Variants in FAM167A observed in about 807,000 individuals in gnomAD.
FAM167A encodes family with sequence similarity 167 member A.
FAM167A carries 23 observed loss-of-function variants against 14.9 expected under a neutral mutation model. The observed-to-expected ratio is 1.55, with a 90% CI of 1.11 to 2.19. The LOEUF (loss-of-function observed/expected upper bound fraction) is 2.19. Ranked by LOEUF, FAM167A falls within the 30% of genes most tolerant of loss-of-function variation. FAM167A has a pLI of 0.00. For missense variants in FAM167A, 401 were observed against 281.5 expected (o/e 1.42, Z -3.04); for synonymous variants, 174 against 117.7 (o/e 1.48, Z -3.10).
At chr8:11,453,700 C>G (rs1429506365) in intron 1 of FAM167A, among the ~76,000 whole-genome samples, 2 of 152,016 alleles carry the variant, frequency 1.3e-5, no homozygotes, top group Non-Finnish European at 2.9e-5. Flanking sequence ...GCAAGAGTGT[C>G]CTCTGGGAAT....
intron 2 of FAM167A, among the ~76,000 whole-genome samples, chr8:11,442,932 G>A (rs200663838): frequency 6.6e-6 from 1 of 152,172 alleles, no homozygotes; most frequent in East Asian, 1.9e-4. Flanking sequence ...AAACCCCAGT[G>A]GATTCTCTCA....
In FAM167A at chr8:11,432,024, G is replaced by A. The variant is rs551326990; in HGVS notation, c.382-7388C>T. 2.6e-3 allele frequency among the ~76,000 whole-genome samples: 398 copies of A among 151,976 alleles called. 1 individual carries two copies. The highest frequency in any genetic ancestry group is 9.4e-3 in the African/African-American group (391 of 41,424). ...CAAAGGCTAGTCTAACATAGGATGTGCATTTGGGAAAGGCAGCATTTTTGT... is the reference window on the plus strand; with the variant it reads ...CAAAGGCTAGTCTAACATAGGATGTACATTTGGGAAAGGCAGCATTTTTGT... On this transcript the variant is annotated intron_variant, in intron 2 of 2. Coordinates refer to ENST00000284486, the MANE Select transcript of FAM167A (RefSeq NM_053279.3).
intron 1 of FAM167A, among the ~76,000 whole-genome samples, chr8:11,474,372 C>G (rs1319029174): frequency 6.6e-6 from 1 of 152,210 alleles, no homozygotes; most frequent in East Asian, 1.9e-4. Flanking sequence ...GAACCTGACA[C>G]CAGCAAAACA....
chr8:11,444,229 C>A lies in FAM167A; in HGVS notation c.183G>T (p.Pro61=), dbSNP rs770700939. Residue 61 remains proline, a synonymous_variant, in exon 2 of 3, where the codon CCG becomes CCT. Coordinates refer to ENST00000284486, the MANE Select transcript of FAM167A (RefSeq NM_053279.3). ...ARLEEHTWPF[P]RPAAEPQASL... is the part of the protein sequence containing the mutation. Reference sequence around the variant, plus strand: ...TCGCCTGTGGCTCCGCAGCCGGCCTCGGGAAGGGCCAGGTATGCTCCTCCA... The same window carrying A: ...TCGCCTGTGGCTCCGCAGCCGGCCTAGGGAAGGGCCAGGTATGCTCCTCCA... 8.7e-6 allele frequency: 14 copies of A among 1,611,956 alleles called. No individual in the cohort carries two copies. The highest frequency in any genetic ancestry group is 1.2e-5 in the Non-Finnish European group (14 of 1,179,798).
chr8:11,443,677 G>A (rs1806580199), intron 2 of FAM167A: 1 of 221,374 alleles, frequency 4.5e-6, no homozygotes, highest in South Asian at 7.1e-5. Flanking sequence ...AGGGTGGGGA[G>A]GTTCCAGCAC....
At chr8:11,440,264 G>C (rs893727590) in intron 2 of FAM167A, among the ~76,000 whole-genome samples, 2 of 152,214 alleles carry the variant, frequency 1.3e-5, no homozygotes, top group Admixed American at 6.5e-5. Context: ...GGGAGCCCAA[G>C]GTCAGGCCGT....
At chr8:11,449,212 C>A (rs1390222343) in intron 1 of FAM167A, among the ~76,000 whole-genome samples, 1 of 152,242 alleles carries the variant, frequency 6.6e-6, no homozygotes, top group Admixed American at 6.5e-5. Flanking sequence ...GGTGCCTGAA[C>A]AAGCCCAAAG....
intron 1 of FAM167A, among the ~76,000 whole-genome samples, chr8:11,457,819 TTC>T (rs778484217): frequency 6.6e-6 from 1 of 152,184 alleles, no homozygotes; most frequent in Admixed American, 6.5e-5. Context: ...CAGGCCACCT[TTC>T]TCTGAATTCT....
At chr8:11,433,598 C>T (rs933567842) in intron 2 of FAM167A, among the ~76,000 whole-genome samples, 2 of 152,114 alleles carry the variant, frequency 1.3e-5, no homozygotes, top group African/African-American at 2.4e-5. Flanking sequence ...CAACCAGAGG[C>T]GAAAGAGTGC....
chr8:11,459,814 C>T (rs957163161), intron 1 of FAM167A, among the ~76,000 whole-genome samples: 16 of 152,340 alleles, frequency 1.1e-4, no homozygotes, highest in Middle Eastern at 3.4e-3. Flanking sequence ...TCCCAAGGTT[C>T]AAGTGATTCT....
At chr8:11,443,978 G>C (rs1221968039) in intron 2 of FAM167A, 53 bp downstream of exon 2, 29 of 1,560,216 alleles carry the variant, frequency 1.9e-5, no homozygotes, top group Non-Finnish European at 2.3e-5. Context: ...AAAAGACACA[G>C]AGAGACGGTG....
Position 11,444,119 on chromosome 8 carries a change from G to T in FAM167A, c.293C>A (p.Ala98Asp). The change falls in exon 2 of 3, where the codon GCC becomes GAC. Residue 98 changes from alanine (A) to aspartate (D), a missense_variant. Coordinates refer to ENST00000284486, the MANE Select transcript of FAM167A (RefSeq NM_053279.3). ...GGACAGGGGTCTGGCACCTTGGCTG[G>T]CACTCCTGGCAGAAGGGGGGTGCTG... is the stretch of plus-strand genomic sequence containing the variant. Reference protein sequence around the residue: ...AGQHPPSARSASQGARPLSTG... With the variant: ...AGQHPPSARSDSQGARPLSTG... 1.9e-6 allele frequency: 3 copies of T among 1,613,350 alleles called. No individual in the cohort carries two copies. Among genetic ancestry groups the T allele is most frequent in the Non-Finnish European group, 2.5e-6 (3 of 1,179,998 alleles).
intron 2 of FAM167A, among the ~76,000 whole-genome samples, chr8:11,425,823 T>G (rs1805101403): frequency 6.6e-6 from 1 of 152,180 alleles, no homozygotes; most frequent in South Asian, 2.1e-4. Flanking sequence ...CTGAAGAAAA[T>G]AAAAATATTT....
At chr8:11,443,744 G>C (rs1004908710) in intron 2 of FAM167A, 41 of 376,210 alleles carry the variant, frequency 1.1e-4, no homozygotes, top group African/African-American at 4.2e-4. Flanking sequence ...AGCGGTGTTG[G>C]GGGGAGGGGG....
At chr8:11,451,885 C>T (rs542259659) in intron 1 of FAM167A, among the ~76,000 whole-genome samples, 1 of 152,332 alleles carries the variant, frequency 6.6e-6, no homozygotes, top group African/African-American at 2.4e-5. Flanking sequence ...GTTTTCTGGT[C>T]TTTACCTCCT....
At chr8:11,450,173 A>C (rs4841538) in intron 1 of FAM167A, among the ~76,000 whole-genome samples, 77,088 of 151,400 alleles carry the variant, frequency 0.51, 20,233 homozygotes, top group East Asian at 0.66. Flanking sequence ...AAAGCCCTTC[A>C]CTCCCTTCTG....
At chr8:11,448,897 T>G (rs1806906211) in intron 1 of FAM167A, among the ~76,000 whole-genome samples, 1 of 152,232 alleles carries the variant, frequency 6.6e-6, no homozygotes, top group South Asian at 2.1e-4. Flanking sequence ...TTCCCTAATC[T>G]GTGCAATGGC....
intron 2 of FAM167A, 81 bp downstream of exon 2, chr8:11,443,950 C>A: frequency 1.3e-6 from 2 of 1,492,930 alleles, no homozygotes; most frequent in Non-Finnish European, 9.1e-7. Context: ...GGTGGGGAGA[C>A]AGACAGAGAG....
chr8:11,475,553 C>G (rs1294089568), intron 1 of FAM167A, among the ~76,000 whole-genome samples: 1 of 152,004 alleles, frequency 6.6e-6, no homozygotes, highest in Non-Finnish European at 1.5e-5. Context: ...TGAGATCCAA[C>G]CTTTTACACA....
Sources: gnomAD v4.1 joint callset for allele counts (sites outside exome capture counted in the v4.1 genomes callset) on GRCh38, gnomAD v4.1.1 for gene constraint, MANE v1.5 for transcripts, NCBI Gene and HGNC (gene_info 2026-07-23, HGNC 2026-07-21) for gene names.